Variants in RANBP9 observed in about 807,000 individuals in gnomAD.
RANBP9 encodes ran-binding protein 9.
In RANBP9, 15 loss-of-function variants were observed where a neutral mutation model predicts 84.3. That is an observed-to-expected ratio of 0.18 (90% CI 0.12 to 0.27). The LOEUF (loss-of-function observed/expected upper bound fraction) is 0.27. Among genes scored for constraint, RANBP9 ranks in the 10% least tolerant of loss-of-function variants. RANBP9 has a pLI of 1.00. For synonymous variants in RANBP9, 392 were observed against 349.6 expected (o/e 1.12, Z -1.35); for missense variants, 809 against 912.8 (o/e 0.89, Z 1.46).
At chr6:13,658,948 T>A in intron 2 of RANBP9, 116 bp from the exon 3 acceptor site, 1 of 930,060 alleles carries the variant, frequency 1.1e-6, no homozygotes, top group Non-Finnish European at 1.7e-6. Context: ...ACTCCTAAGG[T>A]AGCAACAAAA....
chr6:13,710,806 A>AC, intron 1 of RANBP9, 129 bp downstream of exon 1: 1 of 992,100 alleles, frequency 1.0e-6, no homozygotes, highest in African/African-American at 1.7e-5. Flanking sequence ...GCAGCACAAC[A>AC]GGCGGCGAGT....
At chr6:13,708,290 G>T (rs1758178763) in intron 1 of RANBP9, among the ~76,000 whole-genome samples, 1 of 152,068 alleles carries the variant, frequency 6.6e-6, no homozygotes, top group East Asian at 1.9e-4. Context: ...GCCCAGCATA[G>T]TGACAGGAGC....
intron 9 of RANBP9, among the ~76,000 whole-genome samples, chr6:13,639,063 TCAGA>T (rs1162819674): frequency 1.3e-5 from 2 of 152,228 alleles, no homozygotes; most frequent in Admixed American, 6.5e-5. Flanking sequence ...TAACCTATTC[TCAGA>T]CAGCTGTTCT....
At chr6:13,648,263 C>T (rs911970452) in intron 5 of RANBP9, among the ~76,000 whole-genome samples, 8 of 150,124 alleles carry the variant, frequency 5.3e-5, no homozygotes, top group Non-Finnish European at 7.4e-5. Context: ...AATTCTCCTG[C>T]CTCAGCCTCC....
At position 13,644,706 on chromosome 6, in the gene RANBP9, C is replaced by T. The variant is rs768017540; in HGVS notation, c.951G>A (p.Gly317=). ...DLPPNLYPTV[G]LQTPGEVVDA... The stretch of plus-strand genomic sequence containing the variant: ...CGACCACTTCTCCTGGTGTTTGAAG[C>T]CCCACAGTAGGATACAAATTTGGCT... The change falls in exon 6 of 14, where the codon GGG becomes GGA. Residue 317 remains glycine, a synonymous_variant. Coordinates refer to ENST00000011619, the MANE Select transcript of RANBP9 (RefSeq NM_005493.3). The T allele has an allele frequency of 3.1e-6, 5 of 1,609,926 alleles. No homozygotes were observed. The African/African-American group carries it at 4.0e-5, about 13-fold the overall frequency.
intron 1 of RANBP9, among the ~76,000 whole-genome samples, chr6:13,698,598 A>G (rs1286199123): frequency 6.6e-6 from 1 of 152,216 alleles, no homozygotes; most frequent in African/African-American, 2.4e-5. Flanking sequence ...GAGTGACCCA[A>G]ACTTTTAGTG....
chr6:13,652,705 A>T, intron 4 of RANBP9, 24 bp from the exon 5 acceptor site: 1 of 1,584,260 alleles, frequency 6.3e-7, no homozygotes, highest in Non-Finnish European at 8.6e-7. Flanking sequence ...AAAAAGTGGC[A>T]TTAGAAGCTG....
intron 12 of RANBP9, 100 bp downstream of exon 12, chr6:13,632,270 T>TG: frequency 2.4e-6 from 3 of 1,257,822 alleles, no homozygotes; most frequent in Non-Finnish European, 3.3e-6. Flanking sequence ...CAGGTCCCAG[T>TG]TCCCTAACAA....
At chr6:13,647,173 A>AAT (rs368180914) in intron 5 of RANBP9, among the ~76,000 whole-genome samples, 19 of 152,158 alleles carry the variant, frequency 1.2e-4, no homozygotes, top group African/African-American at 4.3e-4. Context: ...TTCCTACAAA[A>AAT]ATAAGTATGT....
chr6:13,676,302 T>C (rs933186255), intron 2 of RANBP9, among the ~76,000 whole-genome samples: 1 of 151,994 alleles, frequency 6.6e-6, no homozygotes, highest in Non-Finnish European at 1.5e-5. Flanking sequence ...AAAAAAATAA[T>C]AGTAACAATT....
chr6:13,624,885 G>A (rs1371847049), intron 13 of RANBP9, among the ~76,000 whole-genome samples: 1 of 152,164 alleles, frequency 6.6e-6, no homozygotes, highest in Non-Finnish European at 1.5e-5. Context: ...GTACTCACAA[G>A]TCATCAGGAA....
intron 2 of RANBP9, among the ~76,000 whole-genome samples, chr6:13,668,318 T>C (rs1336733861): frequency 6.6e-6 from 1 of 152,080 alleles, no homozygotes; most frequent in African/African-American, 2.4e-5. Context: ...AAATTAACAT[T>C]AATCTTTCCC....
At chr6:13,637,095 T>C (rs1364818568) in intron 10 of RANBP9, among the ~76,000 whole-genome samples, 1 of 152,168 alleles carries the variant, frequency 6.6e-6, no homozygotes, top group East Asian at 1.9e-4. Context: ...AGTATTTAAT[T>C]CAAATAATGT....
intron 1 of RANBP9, among the ~76,000 whole-genome samples, chr6:13,703,534 T>A (rs1372419393): frequency 6.6e-6 from 1 of 152,224 alleles, no homozygotes; most frequent in Admixed American, 6.5e-5. Context: ...CCACCATTCC[T>A]ACAGCTGATT....
At chr6:13,625,833 G>T in intron 12 of RANBP9, 69 bp from the exon 13 acceptor site, 1 of 1,162,650 alleles carries the variant, frequency 8.6e-7, no homozygotes, top group Non-Finnish European at 1.3e-6. Flanking sequence ...ATGTTTCCAA[G>T]TTGAGAGGTA....
intron 2 of RANBP9, among the ~76,000 whole-genome samples, chr6:13,666,599 CCAAAA>C (rs1387232799): frequency 1.7e-4 from 6 of 35,450 alleles, no homozygotes; most frequent in African/African-American, 5.5e-4. Flanking sequence ...CCCCGTCTCT[CCAAAA>C]AAAAAAAAAA....
At chr6:13,631,323 A>C (rs17619307) in intron 12 of RANBP9, among the ~76,000 whole-genome samples, 7,088 of 152,282 alleles carry the variant, frequency 0.047, 210 homozygotes, top group Middle Eastern at 0.082. Flanking sequence ...GAGGTGCTCT[A>C]TAACACATCC....
At chr6:13,686,318 C>T (rs928576595) in intron 2 of RANBP9, among the ~76,000 whole-genome samples, 5 of 151,878 alleles carry the variant, frequency 3.3e-5, no homozygotes, top group African/African-American at 9.7e-5. Context: ...TGGAGTCTGG[C>T]TCTGTTGCCC....
At chr6:13,672,984 T>C (rs995199798) in intron 2 of RANBP9, among the ~76,000 whole-genome samples, 1 of 152,048 alleles carries the variant, frequency 6.6e-6, no homozygotes, top group Non-Finnish European at 1.5e-5. Flanking sequence ...AATGAAGTAT[T>C]TGAAGTAATG....
Sources: allele counts gnomAD v4.1 joint callset (sites outside exome capture counted in the v4.1 genomes callset), GRCh38; gene constraint gnomAD v4.1.1; transcripts MANE v1.5; gene names NCBI Gene and HGNC (gene_info 2026-07-23, HGNC 2026-07-21).